The following NXPE2 variants were observed in gnomAD, a reference collection of about 807,000 sequenced individuals.
NXPE2 encodes neurexophilin and PC-esterase domain family member 2.
Under a neutral mutation model 34.4 loss-of-function variants are expected in NXPE2, and 34 were observed. The ratio of observed to expected loss-of-function variants is 0.99; its 90% CI spans 0.75 to 1.31. NXPE2 has a LOEUF of 1.31. NXPE2 is among the 40% of genes most tolerant of loss of function. The pLI is 0.00. For synonymous variants in NXPE2, 235 were observed against 231.3 expected, an observed-to-expected ratio of 1.02 and a Z score of -0.15; for missense variants, 649 against 672.5, an observed-to-expected ratio of 0.97 and a Z score of 0.39.
the NXPE2 span, among the ~76,000 whole-genome samples, chr11:114,754,817 T>A: frequency 6.6e-6 from 1 of 152,212 alleles, no homozygotes; most frequent in Non-Finnish European, 1.5e-5. Flanking sequence ...ATTAACTCTT[T>A]GATTTCTGGA....
At chr11:114,624,361 A>C in the NXPE2 span, among the ~76,000 whole-genome samples, 1 of 151,740 alleles carries the variant, frequency 6.6e-6, no homozygotes, top group Non-Finnish European at 1.5e-5. Flanking sequence ...TTATTGCCCC[A>C]GGGTAACCAC....
At chr11:114,525,578 C>G in the NXPE2 span, among the ~76,000 whole-genome samples, 1 of 152,102 alleles carries the variant, frequency 6.6e-6, no homozygotes, top group Admixed American at 6.6e-5. Context: ...TCCCCCCTTA[C>G]TATTCTTAAA....
the NXPE2 span, among the ~76,000 whole-genome samples, chr11:114,653,319 A>G: frequency 6.6e-6 from 1 of 152,242 alleles, no homozygotes; most frequent in Non-Finnish European, 1.5e-5. Context: ...AGCAGCAGCC[A>G]TCTCAGTCTG....
the NXPE2 span, among the ~76,000 whole-genome samples, chr11:114,611,801 T>G: frequency 7.2e-4 from 110 of 152,038 alleles, no homozygotes; most frequent in Non-Finnish European, 9.1e-4. Flanking sequence ...AAGTGTTGCC[T>G]CTTGGGAAAC....
the NXPE2 span, among the ~76,000 whole-genome samples, chr11:114,598,871 C>A: frequency 6.6e-6 from 1 of 151,382 alleles, no homozygotes; most frequent in African/African-American, 2.4e-5. Flanking sequence ...AGGCTTAACA[C>A]CCTGTGGAAG....
At chr11:114,601,880 ATAATT>A in the NXPE2 span, among the ~76,000 whole-genome samples, 4 of 1,288 alleles carry the variant, frequency 3.1e-3, no homozygotes, top group Non-Finnish European at 3.4e-3. Flanking sequence ...TATATTATAT[ATAATT>A]ATATATTATA....
At chr11:114,655,353 C>CT in the NXPE2 span, among the ~76,000 whole-genome samples, 2 of 152,074 alleles carry the variant, frequency 1.3e-5, no homozygotes, top group Non-Finnish European at 2.9e-5. Flanking sequence ...TCAATTTTCA[C>CT]TTTTTTTGCC....
the NXPE2 span, among the ~76,000 whole-genome samples, chr11:114,664,780 C>A: frequency 6.6e-6 from 1 of 152,144 alleles, no homozygotes. Context: ...GTAGGATACT[C>A]TCTTGGGAGG....
At chr11:114,619,314 G>A in the NXPE2 span, among the ~76,000 whole-genome samples, 12 of 150,324 alleles carry the variant, frequency 8.0e-5, no homozygotes, top group Non-Finnish European at 1.0e-4. Context: ...ACTGTTCCCC[G>A]CTGGATAATA....
chr11:114,475,038 A>C, the NXPE2 span, among the ~76,000 whole-genome samples: 1 of 152,148 alleles, frequency 6.6e-6, no homozygotes, highest in Admixed American at 6.5e-5. Context: ...CATTAGGAAC[A>C]TTAAAAATTA....
At chr11:114,674,255 G>T (rs913681601), upstream of NXPE2, among the ~76,000 whole-genome samples, 1 of 151,632 alleles carries the variant, frequency 6.6e-6, no homozygotes, top group Non-Finnish European at 1.5e-5. Context: ...AAAATTATTT[G>T]CCAACCAAAT....
At chr11:114,639,056 C>A in the NXPE2 span, among the ~76,000 whole-genome samples, 3 of 152,098 alleles carry the variant, frequency 2.0e-5, no homozygotes, top group African/African-American at 7.2e-5. Context: ...TTTGTCTGTG[C>A]CCTGCCCCCA....
At chr11:114,718,896 T>G in the NXPE2 span, among the ~76,000 whole-genome samples, 1 of 152,286 alleles carries the variant, frequency 6.6e-6, no homozygotes, top group East Asian at 1.9e-4. Flanking sequence ...AGTAATGGTA[T>G]TAAGAAATGG....
the NXPE2 span, among the ~76,000 whole-genome samples, chr11:114,610,910 G>C: frequency 6.6e-6 from 1 of 151,812 alleles, no homozygotes; most frequent in Non-Finnish European, 1.5e-5. Flanking sequence ...ATGGTACCTG[G>C]TGGATAATAA....
the NXPE2 span, among the ~76,000 whole-genome samples, chr11:114,468,153 C>CA: frequency 0.29 from 43,696 of 148,648 alleles, 6,657 homozygotes; most frequent in East Asian, 0.38. Context: ...AAAAAAATTG[C>CA]AAAAAGTCTC....
the NXPE2 span, among the ~76,000 whole-genome samples, chr11:114,608,836 A>C: frequency 6.6e-6 from 1 of 151,914 alleles, no homozygotes; most frequent in South Asian, 2.1e-4. Flanking sequence ...TACCTGGTGG[A>C]TAATAAGTGT....
At chr11:114,513,985 C>T in the NXPE2 span, among the ~76,000 whole-genome samples, 1 of 152,134 alleles carries the variant, frequency 6.6e-6, no homozygotes, top group South Asian at 2.1e-4. Flanking sequence ...TGTCTCTTGC[C>T]ACATAGTTTT....
At chr11:114,686,629 T>TCCAGTAATGGG (rs1951053114) in intron 2 of NXPE2, among the ~76,000 whole-genome samples, 1 of 152,222 alleles carries the variant, frequency 6.6e-6, no homozygotes, top group Non-Finnish European at 1.5e-5. Flanking sequence ...ATTGGGTATA[T>TCCAGTAATGGG]ACCCAGTAAT....
chr11:114,793,785 A>G, the NXPE2 span, among the ~76,000 whole-genome samples: 1 of 152,222 alleles, frequency 6.6e-6, no homozygotes, highest in Non-Finnish European at 1.5e-5. Flanking sequence ...ACACAGAATC[A>G]CTGAAAGAGA....
Sources: allele counts gnomAD v4.1 joint callset (sites outside exome capture counted in the v4.1 genomes callset), GRCh38; gene constraint gnomAD v4.1.1; transcripts MANE v1.5; gene names NCBI Gene and HGNC (gene_info 2026-07-23, HGNC 2026-07-21).